Variants in TRHDE observed in about 807,000 individuals in gnomAD.
The protein encoded by TRHDE is thyrotropin releasing hormone degrading enzyme, also known as thyrotropin-releasing hormone-degrading ectoenzyme.
A neutral mutation model predicts 125.7 loss-of-function variants in TRHDE; 72 were observed. That is an observed-to-expected ratio of 0.57 (90% confidence interval 0.47 to 0.70). TRHDE has a LOEUF of 0.70. Among genes scored for constraint, TRHDE ranks in the 30% least tolerant of loss-of-function variants. TRHDE has a pLI of 0.00. For missense variants in TRHDE, 1,110 were observed against 1,327.1 expected, an observed-to-expected ratio of 0.84 and a Z score of 2.54; for synonymous variants, 509 against 509.1, an observed-to-expected ratio of 1.00 and a Z score of 0.00.
chr12:72,188,607 T>G (rs1333198070), intron 2 of TRHDE, among the ~76,000 whole-genome samples: 2 of 152,212 alleles, frequency 1.3e-5, no homozygotes, highest in Non-Finnish European at 2.9e-5. Context: ...GCTTGTGAAC[T>G]CATCTACAGA....
At chr12:72,255,498 T>C (rs536396858) in intron 2 of TRHDE, 2 of 152,350 alleles carry the variant, frequency 1.3e-5, no homozygotes, top group East Asian at 1.9e-4. Flanking sequence ...AGATGGAGTC[T>C]TGATTGTGCC....
At chr12:72,634,893 G>C (rs1166933648) in intron 15 of TRHDE, among the ~76,000 whole-genome samples, 1 of 151,978 alleles carries the variant, frequency 6.6e-6, no homozygotes, top group Non-Finnish European at 1.5e-5. Context: ...TCTTAATCCA[G>C]TCTATCATTG....
chr12:72,314,224 G>C (rs1868683625), intron 2 of TRHDE, among the ~76,000 whole-genome samples: 1 of 151,688 alleles, frequency 6.6e-6, no homozygotes, highest in Admixed American at 6.6e-5. Flanking sequence ...GCAGACACCA[G>C]GTCTTGTCTT....
intron 13 of TRHDE, among the ~76,000 whole-genome samples, chr12:72,619,271 A>C (rs1872949205): frequency 6.6e-6 from 1 of 152,182 alleles, no homozygotes; most frequent in Non-Finnish European, 1.5e-5. Flanking sequence ...TTCAGAATTT[A>C]AGAAGAAATA....
At chr12:72,159,393 A>T (rs556109757) in intron 2 of TRHDE, among the ~76,000 whole-genome samples, 1 of 152,352 alleles carries the variant, frequency 6.6e-6, no homozygotes, top group South Asian at 2.1e-4. Context: ...CAACAGAAGG[A>T]TGGGAATGAC....
At chr12:72,231,322 C>CA (rs1250067644) in intron 2 of TRHDE, among the ~76,000 whole-genome samples, 1 of 152,122 alleles carries the variant, frequency 6.6e-6, no homozygotes, top group African/African-American at 2.4e-5. Flanking sequence ...CCTCTCAAAT[C>CA]ACAGTCTAAT....
intron 2 of TRHDE, among the ~76,000 whole-genome samples, chr12:72,190,088 T>C (rs936737853): frequency 1.3e-5 from 2 of 152,236 alleles, no homozygotes; most frequent in Non-Finnish European, 2.9e-5. Context: ...TCTCCAATAA[T>C]GACCAGAGTG....
intron 6 of TRHDE, among the ~76,000 whole-genome samples, chr12:72,499,889 C>T (rs550038264): frequency 1.9e-4 from 29 of 151,828 alleles, no homozygotes; most frequent in Non-Finnish European, 2.9e-4. Context: ...TTTGGAGACT[C>T]GATATGAAAT....
intron 2 of TRHDE, among the ~76,000 whole-genome samples, chr12:72,156,868 G>T (rs1876524677): frequency 6.6e-6 from 1 of 152,170 alleles, no homozygotes; most frequent in Non-Finnish European, 1.5e-5. Context: ...CCAAACAGAA[G>T]TCCTTGCCCT....
At chr12:72,342,679 G>A (rs908861304) in intron 2 of TRHDE, among the ~76,000 whole-genome samples, 1 of 151,980 alleles carries the variant, frequency 6.6e-6, no homozygotes, top group Non-Finnish European at 1.5e-5. Flanking sequence ...TATTTTTATT[G>A]TCTTAATATT....
intron 2 of TRHDE, among the ~76,000 whole-genome samples, chr12:72,297,459 G>A (rs1880343453): frequency 6.6e-6 from 1 of 152,130 alleles, no homozygotes. Flanking sequence ...ATCATGGAGT[G>A]AGCAGAAAGT....
Position 72,273,270 on chromosome 12 carries a change from C to A in TRHDE, c.627C>A (p.Ser209=), listed in dbSNP as rs770084539. The A allele has an allele frequency of 1.2e-6, 2 of 1,614,100 alleles. No homozygotes were observed. Among genetic ancestry groups the A allele is most frequent in the South Asian group, 2.2e-5 (2 of 91,082 alleles). ...LTAFMENFTF[S]GEVNVEIACR... ...CCTTCATGGAGAACTTCACCTTCTCCGGGGAGGTCAACGTGGAGATCGCGT... is the reference window on the plus strand; with the variant it reads ...CCTTCATGGAGAACTTCACCTTCTCAGGGGAGGTCAACGTGGAGATCGCGT... Residue 209 remains serine (S), a synonymous_variant, in exon 1 of 19, where the codon TCC becomes TCA. Coordinates refer to ENST00000261180, the MANE Select transcript of TRHDE (RefSeq NM_013381.3). The surrounding 1 kb of genome is among the most constrained non-coding windows in gnomAD (Gnocchi z 5.3).
intron 2 of TRHDE, among the ~76,000 whole-genome samples, chr12:72,296,171 A>G (rs1235099876): frequency 6.6e-6 from 1 of 152,260 alleles, no homozygotes; most frequent in Non-Finnish European, 1.5e-5. Flanking sequence ...GGTTGTCTAA[A>G]TAAGTCAATT....
intron 3 of TRHDE, among the ~76,000 whole-genome samples, chr12:72,413,322 C>A (rs1195957297): frequency 6.6e-6 from 1 of 151,790 alleles, no homozygotes; most frequent in South Asian, 2.1e-4. Context: ...GCTAGCCATA[C>A]CATCCAATAT....
intron 3 of TRHDE, 118 bp from the exon 4 acceptor site, chr12:72,469,640 A>T (rs183687296): frequency 2.6e-6 from 3 of 1,155,890 alleles, no homozygotes; most frequent in African/African-American, 3.1e-5. Flanking sequence ...TGCCAAAAAA[A>T]TCACTAAGTA....
At chr12:72,115,385 T>C (rs898296448) in intron 2 of TRHDE, among the ~76,000 whole-genome samples, 1 of 152,094 alleles carries the variant, frequency 6.6e-6, no homozygotes, top group South Asian at 2.1e-4. Flanking sequence ...ATCTTATTCT[T>C]TTTTATGGCT....
intron 2 of TRHDE, among the ~76,000 whole-genome samples, chr12:72,310,050 C>T (rs1364979738): frequency 6.6e-6 from 1 of 152,110 alleles, no homozygotes; most frequent in Admixed American, 6.5e-5. Flanking sequence ...GAGACTGGGC[C>T]GTATGTCCAG....
chr12:72,635,144 C>G (rs939058601), intron 15 of TRHDE, among the ~76,000 whole-genome samples: 7 of 151,208 alleles, frequency 4.6e-5, no homozygotes, highest in African/African-American at 1.7e-4. Context: ...CCTATTTCTC[C>G]ACATCCTCTC....
intron 12 of TRHDE, among the ~76,000 whole-genome samples, chr12:72,600,251 T>C (rs1305763097): frequency 1.3e-5 from 2 of 152,008 alleles, no homozygotes; most frequent in African/African-American, 4.8e-5. Flanking sequence ...TTTTTGGTTT[T>C]ATATGAATTT....
Sources: allele counts gnomAD v4.1 joint callset (sites outside exome capture counted in the v4.1 genomes callset), GRCh38; gene constraint gnomAD v4.1.1; non-coding constraint Gnocchi (gnomAD v3.1); transcripts MANE v1.5; gene names NCBI Gene and HGNC (gene_info 2026-07-23, HGNC 2026-07-21).